The following SLCO1A2 variants were observed in gnomAD, a reference collection of about 807,000 sequenced individuals.
The protein encoded by SLCO1A2 is solute carrier organic anion transporter family member 1A2.
Under a neutral mutation model 69.0 loss-of-function variants are expected in SLCO1A2, and 67 were observed. The observed-to-expected ratio is 0.97, with a 90% CI of 0.80 to 1.19. SLCO1A2 has a LOEUF of 1.19. SLCO1A2 is among the 50% of genes most tolerant of loss of function. SLCO1A2 has a pLI of 0.00. For missense variants in SLCO1A2, 787 were observed against 793.7 expected (o/e 0.99, Z 0.10); for synonymous variants, 260 against 265.9 (o/e 0.98, Z 0.22).
intron 12 of SLCO1A2, among the ~76,000 whole-genome samples, chr12:21,281,640 A>C (rs1327095011): frequency 1.3e-5 from 2 of 152,118 alleles, no homozygotes. Flanking sequence ...AAAGAAAAAC[A>C]AAACTGATGA....
chr12:21,367,470 G>A (rs909748114), intron 2 of SLCO1A2, among the ~76,000 whole-genome samples: 11 of 152,122 alleles, frequency 7.2e-5, no homozygotes, highest in South Asian at 2.1e-4. Flanking sequence ...AGATTTCCAT[G>A]AGAATGGGCA....
intron 2 of SLCO1A2, among the ~76,000 whole-genome samples, chr12:21,369,568 T>A (rs969413608): frequency 3.3e-5 from 5 of 152,220 alleles, no homozygotes; most frequent in African/African-American, 1.2e-4. Context: ...GGTGTGAAGA[T>A]GAAGTGAGAT....
chr12:21,361,850 G>T (rs1028487313), intron 2 of SLCO1A2, among the ~76,000 whole-genome samples: 76 of 152,112 alleles, frequency 5.0e-4, no homozygotes, highest in African/African-American at 1.8e-3. Flanking sequence ...AGAGAAAAAA[G>T]AGTAAAAAGA....
intron 12 of SLCO1A2, among the ~76,000 whole-genome samples, chr12:21,285,234 C>A (rs1366575378): frequency 2.6e-5 from 4 of 152,070 alleles, no homozygotes; most frequent in Non-Finnish European, 5.9e-5. Flanking sequence ...AACACCTCTA[C>A]ACAAATAAAA....
intron 2 of SLCO1A2, among the ~76,000 whole-genome samples, chr12:21,321,828 C>G (rs1242229502): frequency 6.6e-6 from 1 of 152,184 alleles, no homozygotes; most frequent in Non-Finnish European, 1.5e-5. Context: ...TTCATTCATT[C>G]TTTATCTTCC....
At chr12:21,331,372 C>T (rs1952604736) in intron 2 of SLCO1A2, among the ~76,000 whole-genome samples, 2 of 152,126 alleles carry the variant, frequency 1.3e-5, no homozygotes, top group Middle Eastern at 3.4e-3. Flanking sequence ...AAACCAAGCG[C>T]ATAATTTGTT....
chr12:21,360,258 G>A (rs149294814), intron 2 of SLCO1A2, among the ~76,000 whole-genome samples: 26 of 152,298 alleles, frequency 1.7e-4, no homozygotes, highest in African/African-American at 5.3e-4. Flanking sequence ...AGGAGTGTGT[G>A]CATTGGCCAA....
chr12:21,329,502 CT>C (rs76903379), intron 2 of SLCO1A2, among the ~76,000 whole-genome samples: 31,829 of 143,368 alleles, frequency 0.22, 3,789 homozygotes, highest in Non-Finnish European at 0.29. Context: ...AATATTTTTG[CT>C]TTTTTTTTTT....
rs1942397409 is a variant in SLCO1A2 at position 21,269,429 on chromosome 12, A to G, written c.*119T>C. ...GAACATTTTATTATTTTGAGTTAAGAGGTTTTTTAGGTTCTTAAAGACAAG... is the reference window on the plus strand; with the variant it reads ...GAACATTTTATTATTTTGAGTTAAGGGGTTTTTTAGGTTCTTAAAGACAAG... On this transcript the variant is annotated 3_prime_UTR_variant, in exon 15 of 15. Coordinates refer to ENST00000683939, the MANE Select transcript of SLCO1A2 (RefSeq NM_001386879.1). 1 of 625,416 alleles carries G rather than the reference A, an allele frequency of 1.6e-6. No individual in the cohort carries two copies. Among genetic ancestry groups the G allele is most frequent in the East Asian group, 2.9e-5 (1 of 34,736 alleles). The allele number at this position is 625,416 out of a possible 1,614,324, so 38.7% of individuals were successfully genotyped here.
intron 2 of SLCO1A2, among the ~76,000 whole-genome samples, chr12:21,356,008 AT>A (rs1028191793): frequency 3.9e-5 from 6 of 152,100 alleles, no homozygotes; most frequent in African/African-American, 1.4e-4. Context: ...TTGAAAATAG[AT>A]TTTAAGAAAT....
At chr12:21,366,520 T>G (rs1050713553) in intron 2 of SLCO1A2, among the ~76,000 whole-genome samples, 3 of 151,996 alleles carry the variant, frequency 2.0e-5, no homozygotes, top group Non-Finnish European at 2.9e-5. Flanking sequence ...ATTGTGCACA[T>G]GTACCCTAGA....
At chr12:21,356,158 G>A (rs1050765381) in intron 2 of SLCO1A2, among the ~76,000 whole-genome samples, 8 of 151,942 alleles carry the variant, frequency 5.3e-5, no homozygotes, top group South Asian at 2.1e-4. Context: ...TGTTACTACC[G>A]TCTCTGTACC....
chr12:21,295,503 A>G lies in SLCO1A2; in HGVS notation c.1271+94T>C, dbSNP rs1947578454. 16 of 789,844 alleles carry G rather than the reference A, an allele frequency of 2.0e-5. No homozygotes were observed. In the Middle Eastern group the frequency reaches 1.1e-3, roughly 55 times the overall value. 48.9% of individuals were successfully genotyped at this position (789,844 alleles called of 1,614,324 possible). ...GCATGGATTACTATCATTAACTCCA[A>G]TAAGAAAATGATCTGATCGTGCATT... is the stretch of plus-strand genomic sequence containing the variant. On this transcript the variant is annotated intron_variant, in intron 10 of 14. Transcript: ENST00000683939.
Position 21,269,572 on chromosome 12 carries a change from A to T in SLCO1A2, c.1989T>A (p.Asp663Glu), listed in dbSNP as rs892684558. Residue 663 changes from aspartate to glutamate, a missense_variant, in exon 15 of 15, where the codon GAT (aspartate) becomes GAA (glutamate). By Grantham distance (45) the Asp-to-Glu change is conservative (BLOSUM62 2). Coordinates refer to ENST00000683939, the MANE Select transcript of SLCO1A2 (RefSeq NM_001386879.1). ...DIYQKSTVLK[D>E]DELKTKL ...ATTACAATTTAGTTTTCAATTCATC[A>T]TCTTTCAAAACCGTGGACTTTTGGT... 2 of 1,611,540 alleles carry T rather than the reference A, an allele frequency of 1.2e-6. No homozygotes were observed. The highest frequency in any genetic ancestry group is 1.3e-5 in the African/African-American group (1 of 74,918).
intron 2 of SLCO1A2, among the ~76,000 whole-genome samples, chr12:21,340,131 A>T (rs2136978018): frequency 6.6e-6 from 1 of 152,160 alleles, no homozygotes; most frequent in Non-Finnish European, 1.5e-5. Flanking sequence ...CCCACTTTAC[A>T]TATGCAGGCA....
At chr12:21,315,708 A>T (rs1020645757) in intron 3 of SLCO1A2, among the ~76,000 whole-genome samples, 2 of 152,208 alleles carry the variant, frequency 1.3e-5, no homozygotes, top group Non-Finnish European at 2.9e-5. Context: ...CAATAACTAT[A>T]TCAGCCACAT....
At chr12:21,321,143 T>G (rs1426770597) in intron 2 of SLCO1A2, among the ~76,000 whole-genome samples, 1 of 152,210 alleles carries the variant, frequency 6.6e-6, no homozygotes, top group African/African-American at 2.4e-5. Flanking sequence ...TCTCAGTCAT[T>G]TGATACTATT....
At chr12:21,357,265 C>T (rs903112291) in intron 2 of SLCO1A2, among the ~76,000 whole-genome samples, 4 of 151,910 alleles carry the variant, frequency 2.6e-5, no homozygotes, top group Admixed American at 6.6e-5. Flanking sequence ...AACTGGTGGA[C>T]GTATAAAAAG....
At chr12:21,342,130 A>G (rs1056877299) in intron 2 of SLCO1A2, among the ~76,000 whole-genome samples, 60 of 152,096 alleles carry the variant, frequency 3.9e-4, no homozygotes, top group African/African-American at 1.4e-3. Context: ...GGCAGGAAGC[A>G]TAAAGAGCAC....
Sources: gnomAD v4.1 joint callset for allele counts (sites outside exome capture counted in the v4.1 genomes callset) on GRCh38, gnomAD v4.1.1 for gene constraint, MANE v1.5 for transcripts, NCBI Gene and HGNC (gene_info 2026-07-23, HGNC 2026-07-21) for gene names.